PHF21B: variants seen among roughly 807,000 people sequenced by gnomAD.
PHF21B encodes PHD finger protein 4.
In PHF21B, 22 loss-of-function variants were observed where a neutral mutation model predicts 62.2. The observed-to-expected ratio is 0.35, with a 90% confidence interval of 0.25 to 0.51. The LOEUF (loss-of-function observed/expected upper bound fraction) is 0.51, where lower values mean the gene tolerates loss of function less well. Ranked by LOEUF, PHF21B falls within the 20% of genes least tolerant of loss-of-function variation. The pLI, the probability that PHF21B is intolerant of heterozygous loss-of-function variation, is 0.97. For synonymous variants in PHF21B, 341 were observed against 314.7 expected (o/e 1.08, Z -0.88); for missense variants, 701 against 707.9 (o/e 0.99, Z 0.11).
At chr22:44,990,916 C>G (rs972664185) in intron 2 of PHF21B, among the ~76,000 whole-genome samples, 1 of 152,180 alleles carries the variant, frequency 6.6e-6, no homozygotes, top group Non-Finnish European at 1.5e-5. Context: ...GCAGGAGTCG[C>G]TAACTGCGTG....
intron 2 of PHF21B, among the ~76,000 whole-genome samples, chr22:44,967,618 C>T (rs943108102): frequency 2.0e-5 from 3 of 152,200 alleles, no homozygotes; most frequent in Non-Finnish European, 2.9e-5. Flanking sequence ...CAGTAGCCCA[C>T]GCTGTTTCTG....
chr22:44,920,356 C>G (rs1569228528), intron 3 of PHF21B, 42 bp downstream of exon 3: 1 of 1,510,046 alleles, frequency 6.6e-7, no homozygotes, highest in Non-Finnish European at 9.0e-7. Flanking sequence ...ACTGCGGGGA[C>G]AGACAGACGG....
intron 2 of PHF21B, among the ~76,000 whole-genome samples, chr22:44,944,438 T>C (rs988726344): frequency 6.6e-6 from 1 of 152,206 alleles, no homozygotes; most frequent in Non-Finnish European, 1.5e-5. Flanking sequence ...AAGCACCCTC[T>C]GGATTCTGGG....
chr22:44,962,443 G>A (rs1372461822), intron 2 of PHF21B, among the ~76,000 whole-genome samples: 1 of 152,200 alleles, frequency 6.6e-6, no homozygotes, highest in African/African-American at 2.4e-5. Context: ...ACATTGGCAC[G>A]GCTGATGGGA....
chr22:45,002,208 T>C (rs2073232772), intron 2 of PHF21B, among the ~76,000 whole-genome samples: 1 of 152,236 alleles, frequency 6.6e-6, no homozygotes, highest in Admixed American at 6.5e-5. Context: ...TATTGACATA[T>C]ATCAATATAC....
intron 2 of PHF21B, among the ~76,000 whole-genome samples, chr22:44,921,689 C>CG (rs1187093325): frequency 6.7e-6 from 1 of 148,258 alleles, no homozygotes; most frequent in African/African-American, 2.5e-5. Context: ...GATGGAGACT[C>CG]GCTCTGTTGC....
At position 44,895,398 on chromosome 22, in the gene PHF21B, C is replaced by T. The variant is rs145681790; in HGVS notation, c.883+634G>A. Among the ~76,000 whole-genome samples, 181 of 152,330 alleles carry T rather than the reference C, an allele frequency of 1.2e-3. 1 individual carries two copies. Among genetic ancestry groups the T allele is most frequent in the African/African-American group, 4.2e-3 (176 of 41,572 alleles). On this transcript the variant is annotated intron_variant, in intron 6 of 12. Coordinates refer to ENST00000313237, the MANE Select transcript of PHF21B (RefSeq NM_138415.5). ...CCCTCATCCGTAAGGTCACACAGCC[C>T]CTTCGTAGAGTCACAGTGCCCTGTC... is the stretch of plus-strand genomic sequence containing the variant.
chr22:44,982,209 G>A (rs941489198), intron 2 of PHF21B, among the ~76,000 whole-genome samples: 11 of 152,166 alleles, frequency 7.2e-5, no homozygotes, highest in Admixed American at 1.3e-4. Context: ...TGTCCCTGCC[G>A]CCTCTGCTGC....
chr22:44,917,911 T>C (rs1357798400), intron 3 of PHF21B, among the ~76,000 whole-genome samples: 2 of 152,216 alleles, frequency 1.3e-5, no homozygotes, highest in Non-Finnish European at 2.9e-5. Flanking sequence ...TTGAGTCTAG[T>C]GATCTCTGTG....
chr22:44,894,816 G>GCCT (rs2071028694), intron 6 of PHF21B, among the ~76,000 whole-genome samples: 1 of 152,178 alleles, frequency 6.6e-6, no homozygotes, highest in African/African-American at 2.4e-5. Flanking sequence ...TCTTCTCGGA[G>GCCT]CCTGCATGGC....
intron 2 of PHF21B, among the ~76,000 whole-genome samples, chr22:44,934,727 AC>A (rs746936396): frequency 1.3e-4 from 20 of 152,150 alleles, no homozygotes; most frequent in Non-Finnish European, 2.8e-4. Context: ...GGTTAGAAGA[AC>A]TAAAGGTCCC....
At chr22:44,924,306 T>C (rs769939714) in intron 2 of PHF21B, among the ~76,000 whole-genome samples, 3 of 152,152 alleles carry the variant, frequency 2.0e-5, no homozygotes, top group Non-Finnish European at 4.4e-5. Context: ...GTAGAGCAAA[T>C]GGAACTCTCA....
intron 5 of PHF21B, among the ~76,000 whole-genome samples, chr22:44,898,298 G>T (rs1162651812): frequency 6.6e-6 from 1 of 151,566 alleles, no homozygotes; most frequent in Non-Finnish European, 1.5e-5. Flanking sequence ...GTGGGCTGGG[G>T]TGGTAGGTTT....
intron 12 of PHF21B, 130 bp downstream of exon 12, chr22:44,885,296 G>A (rs938839131): frequency 1.6e-5 from 13 of 807,422 alleles, no homozygotes; most frequent in African/African-American, 6.9e-5. Context: ...ACCAGGCCCT[G>A]GCTCCTTCCT....
At chr22:44,920,937 C>G (rs1051564995) in intron 2 of PHF21B, among the ~76,000 whole-genome samples, 17 of 152,238 alleles carry the variant, frequency 1.1e-4, no homozygotes, top group African/African-American at 4.1e-4. Flanking sequence ...CTAGCTCCAT[C>G]TTTTTCCAGT....
chr22:44,947,444 C>T (rs1171455538), intron 2 of PHF21B, among the ~76,000 whole-genome samples: 1 of 152,226 alleles, frequency 6.6e-6, no homozygotes, highest in Non-Finnish European at 1.5e-5. Flanking sequence ...CGCCAGGGCC[C>T]AGCCCCCTGC....
chr22:44,917,577 G>C (rs139805005), intron 3 of PHF21B, among the ~76,000 whole-genome samples: 77 of 152,320 alleles, frequency 5.1e-4, no homozygotes, highest in African/African-American at 1.8e-3. Context: ...TCTGAACCCC[G>C]CTGCGCTCGC....
chr22:44,958,383 C>T (rs532153255), intron 2 of PHF21B, among the ~76,000 whole-genome samples: 1 of 152,162 alleles, frequency 6.6e-6, no homozygotes, highest in Non-Finnish European at 1.5e-5. Flanking sequence ...CTGAGAACTC[C>T]GAGAGCTTTC....
intron 2 of PHF21B, among the ~76,000 whole-genome samples, chr22:44,977,982 T>A (rs1216389775): frequency 1.3e-5 from 2 of 152,186 alleles, no homozygotes; most frequent in Admixed American, 6.5e-5. Context: ...GAGTCAAGGT[T>A]GTTGCACGTG....
Sources: allele counts gnomAD v4.1 joint callset (sites outside exome capture counted in the v4.1 genomes callset), GRCh38; gene constraint gnomAD v4.1.1; transcripts MANE v1.5; gene names NCBI Gene and HGNC (gene_info 2026-07-23, HGNC 2026-07-21).